ACVR1: variants seen among roughly 807,000 people sequenced by gnomAD.
ACVR1 encodes activin A receptor type 1, also known as activin receptor type-1.
A neutral mutation model predicts 57.1 loss-of-function variants in ACVR1; 38 were observed. That is an observed-to-expected ratio of 0.67 (90% CI 0.51 to 0.87). ACVR1 has a LOEUF of 0.87. Ranked by LOEUF, ACVR1 falls within the 40% of genes least tolerant of loss-of-function variation. The pLI, the probability that ACVR1 is intolerant of heterozygous loss-of-function variation, is 0.00. For synonymous variants in ACVR1, 212 were observed against 228.1 expected, an observed-to-expected ratio of 0.93 and a Z score of 0.63; for missense variants, 463 against 638.2, an observed-to-expected ratio of 0.73 and a Z score of 2.96.
chr2:157,784,173 T>C (rs1686627847), intron 3 of ACVR1, among the ~76,000 whole-genome samples: 1 of 152,128 alleles, frequency 6.6e-6, no homozygotes, highest in Non-Finnish European at 1.5e-5. Context: ...TGTGGGCCTG[T>C]GATATTTTAT....
chr2:157,768,196 C>T (rs914003982), intron 7 of ACVR1, among the ~76,000 whole-genome samples: 3 of 152,168 alleles, frequency 2.0e-5, no homozygotes, highest in African/African-American at 7.2e-5. Flanking sequence ...AGCCCTGAGT[C>T]TCCCACTCCT....
chr2:157,866,285 G>A (rs890259384), intron 1 of ACVR1, among the ~76,000 whole-genome samples: 2 of 152,086 alleles, frequency 1.3e-5, no homozygotes, highest in Non-Finnish European at 2.9e-5. Flanking sequence ...TCACATCTGA[G>A]ACAGATTCAC....
chr2:157,800,912 A>C (rs76231989), intron 2 of ACVR1, among the ~76,000 whole-genome samples: 2,429 of 151,190 alleles, frequency 0.016, 76 homozygotes, highest in African/African-American at 0.056. Context: ...CTCCAACCCC[A>C]TTGCCTCCTC....
intron 9 of ACVR1, among the ~76,000 whole-genome samples, chr2:157,741,996 G>A (rs1186514322): frequency 1.3e-5 from 2 of 152,134 alleles, no homozygotes; most frequent in Non-Finnish European, 1.5e-5. Context: ...GACAGGAACT[G>A]ACAAACCATC....
intron 2 of ACVR1, among the ~76,000 whole-genome samples, chr2:157,812,474 T>C (rs1687783684): frequency 6.6e-6 from 1 of 152,140 alleles, no homozygotes; most frequent in Non-Finnish European, 1.5e-5. Context: ...AATATACTAT[T>C]TCTTGGCCTG....
chr2:157,866,192 T>C (rs1463760281), intron 1 of ACVR1, among the ~76,000 whole-genome samples: 2 of 152,138 alleles, frequency 1.3e-5, no homozygotes, highest in African/African-American at 4.8e-5. Flanking sequence ...ACCAAAAATG[T>C]CAGAGTTGTA....
intron 5 of ACVR1, among the ~76,000 whole-genome samples, chr2:157,777,757 G>T (rs975076690): frequency 6.6e-6 from 1 of 152,134 alleles, no homozygotes; most frequent in East Asian, 1.9e-4. Context: ...TTAATATTCA[G>T]CAAAAGGTGC....
chr2:157,783,320 A>G (rs1230505256), intron 3 of ACVR1, among the ~76,000 whole-genome samples: 2 of 152,212 alleles, frequency 1.3e-5, no homozygotes, highest in Non-Finnish European at 2.9e-5. Flanking sequence ...AGTTTTTGAC[A>G]GGCTGTGCAG....
At chr2:157,865,574 C>G (rs1016211498) in intron 1 of ACVR1, among the ~76,000 whole-genome samples, 3 of 151,940 alleles carry the variant, frequency 2.0e-5, no homozygotes, top group African/African-American at 2.4e-5. Flanking sequence ...GGCAGATCAC[C>G]TGAGGTCGGG....
At chr2:157,805,974 C>T (rs1338820432) in intron 2 of ACVR1, among the ~76,000 whole-genome samples, 1 of 151,812 alleles carries the variant, frequency 6.6e-6, no homozygotes, top group African/African-American at 2.4e-5. Flanking sequence ...CAGGCACATG[C>T]CACCATGTCT....
intron 2 of ACVR1, among the ~76,000 whole-genome samples, chr2:157,813,157 G>T (rs899191617): frequency 4.0e-5 from 6 of 151,484 alleles, no homozygotes; most frequent in Non-Finnish European, 7.4e-5. Flanking sequence ...TCTGTGAAAT[G>T]GACTTAAAAT....
chr2:157,818,978 T>C (rs1451496860), intron 1 of ACVR1, among the ~76,000 whole-genome samples: 1 of 142,356 alleles, frequency 7.0e-6, no homozygotes, highest in African/African-American at 2.6e-5. Flanking sequence ...CTTGGGAGGC[T>C]GAGGCAGGAG....
At chr2:157,832,923 A>G (rs1318276942) in intron 1 of ACVR1, among the ~76,000 whole-genome samples, 1 of 152,178 alleles carries the variant, frequency 6.6e-6, no homozygotes, top group Non-Finnish European at 1.5e-5. Flanking sequence ...ATATTTATCA[A>G]TAACCCAAAT....
At chr2:157,789,570 A>G (rs1236008700) in intron 3 of ACVR1, among the ~76,000 whole-genome samples, 1 of 152,256 alleles carries the variant, frequency 6.6e-6, no homozygotes, top group East Asian at 1.9e-4. Context: ...ATTTCCTTCC[A>G]GAGCCTGCTT....
intron 1 of ACVR1, among the ~76,000 whole-genome samples, chr2:157,861,340 G>A (rs1689710637): frequency 1.3e-5 from 2 of 152,272 alleles, no homozygotes; most frequent in South Asian, 4.2e-4. Context: ...GATAATATGT[G>A]AACTTTGTTG....
chr2:157,751,878 C>T (rs530407356), intron 9 of ACVR1, among the ~76,000 whole-genome samples: 87 of 152,270 alleles, frequency 5.7e-4, no homozygotes, highest in African/African-American at 2.0e-3. Context: ...ATCCTGGTAG[C>T]TGAAGATAAA....
At chr2:157,750,645 A>G (rs915256942) in intron 9 of ACVR1, among the ~76,000 whole-genome samples, 1 of 152,198 alleles carries the variant, frequency 6.6e-6, no homozygotes, top group Non-Finnish European at 1.5e-5. Flanking sequence ...CAAAGGTTAT[A>G]CCAGATGTGC....
intron 3 of ACVR1, among the ~76,000 whole-genome samples, chr2:157,797,237 A>T (rs1687157012): frequency 3.9e-5 from 6 of 152,244 alleles, no homozygotes; most frequent in Admixed American, 3.9e-4. Flanking sequence ...ATAGGAACAG[A>T]TCAAATATTA....
chr2:157,863,591 G>A (rs1689811674), intron 1 of ACVR1, among the ~76,000 whole-genome samples: 1 of 150,914 alleles, frequency 6.6e-6, no homozygotes. Context: ...CACCTACTTA[G>A]GAGGCTGAGG....
Sources: gnomAD v4.1 joint callset for allele counts (sites outside exome capture counted in the v4.1 genomes callset) on GRCh38, gnomAD v4.1.1 for gene constraint, MANE v1.5 for transcripts, NCBI Gene and HGNC (gene_info 2026-07-23, HGNC 2026-07-21) for gene names.